Variants in IQSEC3 observed in about 807,000 individuals in gnomAD.
IQSEC3 encodes IQ motif and Sec7 domain ArfGEF 3.
A neutral mutation model predicts 105.4 loss-of-function variants in IQSEC3; 50 were observed. The ratio of observed to expected loss-of-function variants is 0.47; its 90% CI spans 0.38 to 0.60. The LOEUF (loss-of-function observed/expected upper bound fraction) is 0.60, where lower values mean the gene tolerates loss of function less well. Among genes scored for constraint, IQSEC3 ranks in the 20% least tolerant of loss-of-function variants. The pLI, the probability that IQSEC3 is intolerant of heterozygous loss-of-function variation, is 0.00. For synonymous variants in IQSEC3, 708 were observed against 746.0 expected (o/e 0.95, Z 0.83); for missense variants, 1,415 against 1,630.0 (o/e 0.87, Z 2.27).
rs541082279 is a variant in IQSEC3, at chr12:172,590, G to A, written c.3114+1429G>A. 5.3e-5 allele frequency among the ~76,000 whole-genome samples: 8 copies of A among 152,262 alleles called. No homozygotes were observed. In the East Asian group the frequency reaches 1.2e-3, roughly 22 times the overall value. The stretch of plus-strand genomic sequence containing the variant: ...CGCAGAGGGCAGCCTCGCCTCCCAC[G>A]GCCTCAGCTGGACCCCAGGCTCTCT... On this transcript the variant is annotated intron_variant, in intron 13 of 13. Transcript: ENST00000538872.
Position 152,038 on chromosome 12 carries a change from T to C in IQSEC3, c.2154-4987T>C, listed in dbSNP as rs1206716096. 6.6e-6 allele frequency among the ~76,000 whole-genome samples: 1 copy of C among 152,108 alleles called. No individual in the cohort carries two copies. The highest frequency in any genetic ancestry group is 1.5e-5 in the Non-Finnish European group (1 of 68,016). On this transcript the variant is annotated intron_variant, in intron 5 of 13. Coordinates refer to ENST00000538872, the MANE Select transcript of IQSEC3 (RefSeq NM_001170738.2). This position sits in a 1 kb window ranked among gnomAD's most constrained non-coding sequence, Gnocchi z 4.8. ...GAATTATTTTTGACTCTGTGTTCAA[T>C]GCCTGTCTCTCCCACCAAGACAGAG... is the stretch of plus-strand genomic sequence containing the variant.
At chr12:106,070 AGCCACCAT>A (rs2136931967) in intron 2 of IQSEC3, among the ~76,000 whole-genome samples, 1 of 152,358 alleles carries the variant, frequency 6.6e-6, no homozygotes, top group African/African-American at 2.4e-5. Flanking sequence ...AGCAAATACT[AGCCACCAT>A]GTCCTGAGTG....
intron 11 of IQSEC3, chr12:166,941 CTG>C (rs1555098668): frequency 1.3e-5 from 2 of 152,232 alleles, no homozygotes; most frequent in Admixed American, 1.3e-4. Flanking sequence ...ATGTTAGAAA[CTG>C]TCATTTTCAT....
intron 3 of IQSEC3, among the ~76,000 whole-genome samples, chr12:134,286 C>T (rs1865687572): frequency 1.3e-5 from 2 of 152,196 alleles, no homozygotes; most frequent in Admixed American, 6.5e-5. Flanking sequence ...AATCTGCCCT[C>T]GTGGGACTTG....
chr12:73,489 C>T (rs1368808197), intron 1 of IQSEC3, among the ~76,000 whole-genome samples: 1 of 152,194 alleles, frequency 6.6e-6, no homozygotes, highest in African/African-American at 2.4e-5. Flanking sequence ...GCCTGGCCAA[C>T]ATGGTGAAAC....
intron 5 of IQSEC3, among the ~76,000 whole-genome samples, chr12:147,279 G>A (rs569345066): frequency 1.2e-4 from 18 of 152,304 alleles, no homozygotes; most frequent in East Asian, 1.9e-4. Context: ...CAAGCAGGCC[G>A]TGAAATATTA....
intron 1 of IQSEC3, among the ~76,000 whole-genome samples, chr12:92,633 G>C (rs914149490): frequency 6.6e-6 from 1 of 152,170 alleles, no homozygotes; most frequent in Non-Finnish European, 1.5e-5. Flanking sequence ...TCCGGGTCCC[G>C]GGCCCCCTCC....
chr12:170,960 C>G (rs1555100049), intron 12 of IQSEC3, 152 bp from the exon 13 acceptor site: 1 of 841,454 alleles, frequency 1.2e-6, no homozygotes, highest in Non-Finnish European at 1.9e-6. Context: ...CACATAGCTC[C>G]TAAGTGGCAG....
intron 4 of IQSEC3, chr12:140,764 C>A (rs1865984928): frequency 4.5e-6 from 1 of 222,860 alleles, no homozygotes; most frequent in Non-Finnish European, 8.8e-6. Context: ...CTCTGTTTCT[C>A]CCACCCTCTC....
chr12:162,091 C>CCCGTCT, intron 8 of IQSEC3, 26 bp downstream of exon 8: 1 of 1,610,230 alleles, frequency 6.2e-7, no homozygotes, highest in Non-Finnish European at 8.5e-7. Context: ...CTACCTATCT[C>CCCGTCT]CCGTCTCCTT....
chr12:175,119 C>G lies in IQSEC3; in HGVS notation c.*86C>G, dbSNP rs955921973. The G allele has an allele frequency of 9.7e-7, 1 of 1,034,540 alleles. No homozygotes were observed. The highest frequency in any genetic ancestry group is 1.6e-5 in the African/African-American group (1 of 61,906). The allele number at this position is 1,034,540 out of a possible 1,614,324, so 64.1% of individuals were successfully genotyped here. A position where few individuals can be genotyped will look rare whatever the true frequency, so the allele number is the denominator to read the frequency against. ...CTCCACTGCTCCCCATACCCTGGCA[C>G]GATGCGTTCCTGGTCACTGATCACC... On this transcript the variant is annotated 3_prime_UTR_variant, in exon 14 of 14. Transcript: ENST00000538872.
chr12:105,314 T>C (rs1555077607), intron 2 of IQSEC3, among the ~76,000 whole-genome samples: 1 of 152,208 alleles, frequency 6.6e-6, no homozygotes, highest in African/African-American at 2.4e-5. Flanking sequence ...CGGGAGCATC[T>C]TGCCCGCTGG....
chr12:86,411 A>G (rs1345353237), intron 1 of IQSEC3, among the ~76,000 whole-genome samples: 5 of 152,140 alleles, frequency 3.3e-5, no homozygotes, highest in Admixed American at 2.6e-4. Flanking sequence ...CTGTCCCCAT[A>G]ATACTGTGAG....
At chr12:166,472 A>G (rs1344073054) in intron 11 of IQSEC3, among the ~76,000 whole-genome samples, 1 of 152,082 alleles carries the variant, frequency 6.6e-6, no homozygotes, top group Non-Finnish European at 1.5e-5. Flanking sequence ...CATTTTAGAG[A>G]ATATGTGGGT....
In IQSEC3 at chr12:141,177, C is replaced by G; in HGVS notation, c.2045C>G (p.Thr682Ser). 1 of 1,613,618 alleles carries G rather than the reference C, an allele frequency of 6.2e-7. No individual in the cohort carries two copies. Among genetic ancestry groups the G allele is most frequent in the Non-Finnish European group, 8.5e-7 (1 of 1,179,894 alleles). ...FLISRGFIPD[T>S]PIGVAHFLLQ... Reference sequence around the variant, plus strand: ...ATCTCACGCGGCTTCATCCCGGACACCCCCATCGGTGTGGCCCATTTCCTC... The same window carrying G: ...ATCTCACGCGGCTTCATCCCGGACAGCCCCATCGGTGTGGCCCATTTCCTC... The change falls in exon 5 of 14, where the codon ACC (threonine) becomes AGC (serine). Residue 682 changes from threonine to serine, a missense_variant. Around this residue, in one of 6 missense-constraint regions of IQSEC3, gnomAD observed 213 missense variants for 306.2 expected, o/e 0.70. Transcript: ENST00000538872.
At chr12:108,251 T>G (rs530025886) in intron 2 of IQSEC3, among the ~76,000 whole-genome samples, 7 of 152,352 alleles carry the variant, frequency 4.6e-5, no homozygotes, top group Admixed American at 6.5e-5. Context: ...TACCTGCTAT[T>G]TATTAGGCTC....
At chr12:74,475 G>A (rs564586202) in intron 1 of IQSEC3, among the ~76,000 whole-genome samples, 1 of 152,282 alleles carries the variant, frequency 6.6e-6, no homozygotes, top group Non-Finnish European at 1.5e-5. Context: ...GTGCCCGGGT[G>A]GGGGTGGAGG....
intron 4 of IQSEC3, chr12:140,564 T>C (rs1865975688): frequency 6.6e-6 from 1 of 152,482 alleles, no homozygotes; most frequent in Admixed American, 6.5e-5. Flanking sequence ...TAAAATACAA[T>C]AAAAATGAGG....
intron 4 of IQSEC3, 195 bp from the exon 5 acceptor site, chr12:140,929 C>A: frequency 1.8e-6 from 1 of 546,364 alleles, no homozygotes; most frequent in Non-Finnish European, 3.2e-6. Flanking sequence ...GCAGATCTCC[C>A]CTGTCCTCCT....
Sources: allele counts gnomAD v4.1 joint callset (sites outside exome capture counted in the v4.1 genomes callset), GRCh38; gene constraint gnomAD v4.1.1; regional missense constraint gnomAD v4.1.1; non-coding constraint Gnocchi (gnomAD v3.1); transcripts MANE v1.5; gene names NCBI Gene and HGNC (gene_info 2026-07-23, HGNC 2026-07-21).